The following AHNAK variants were observed in gnomAD, a reference collection of about 807,000 sequenced individuals.
The protein encoded by AHNAK is AHNAK nucleoprotein, also known as neuroblast differentiation-associated protein AHNAK.
A neutral mutation model predicts 37.8 loss-of-function variants in AHNAK; 23 were observed. The observed-to-expected ratio is 0.61, with a 90% CI of 0.44 to 0.86. AHNAK has a LOEUF of 0.86. Ranked by LOEUF, AHNAK falls within the 40% of genes least tolerant of loss-of-function variation. The pLI is 0.00. For missense variants in AHNAK, 7,411 were observed against 7,319.4 expected, an observed-to-expected ratio of 1.01 and a Z score of -0.46; for synonymous variants, 2,481 against 2,636.3, an observed-to-expected ratio of 0.94 and a Z score of 1.80.
In AHNAK at chr11:62,534,015, C is replaced by G; in HGVS notation, c.402G>C (p.Lys134Asn). Reference sequence around the variant, plus strand: ...GGTCTCCTTCCACTCCATCTTCCGACTTCAGCCGTGGCTTGATCTTCGTGG... The same window carrying G: ...GGTCTCCTTCCACTCCATCTTCCGAGTTCAGCCGTGGCTTGATCTTCGTGG... ...IYTTKIKPRL[K>N]SEDGVEGDLG... Residue 134 changes from lysine (K) to asparagine (N), a missense_variant, in exon 5 of 5, where the codon AAG becomes AAC. Transcript: ENST00000378024. The G allele has an allele frequency of 6.3e-7, 1 of 1,588,390 alleles. No homozygotes were observed. The highest frequency in any genetic ancestry group is 8.6e-7 in the Non-Finnish European group (1 of 1,165,694).
At chr11:62,470,013 C>T (rs1565204880) in intron 5 of AHNAK, among the ~76,000 whole-genome samples, 2 of 152,282 alleles carry the variant, frequency 1.3e-5, no homozygotes, top group African/African-American at 2.4e-5. Flanking sequence ...GCTATCAAAA[C>T]CACAAAAGTT....
rs1044381193 is a variant in AHNAK, at chr11:62,517,601, G to A, written c.16816C>T (p.Leu5606Phe). 3 of 1,614,040 alleles carry A rather than the reference G, an allele frequency of 1.9e-6. No homozygotes were observed. Among genetic ancestry groups the A allele is most frequent in the Non-Finnish European group, 2.5e-6 (3 of 1,180,048 alleles). The change falls in exon 5 of 5, where the codon CTC becomes TTC. Residue 5606 changes from leucine (L) to phenylalanine (F), a missense_variant. Leu to Phe is a conservative substitution (Grantham distance 22). Transcript: ENST00000378024. ...GCAAACTTAGATGTGTCCAAGTTGA[G>A]AGCAGAGGAGACTTGGGGTCCCTTC... ...EWKGPQVSSALNLDTSKFAGG... is the reference protein window; with the variant it reads ...EWKGPQVSSAFNLDTSKFAGG...
chr11:62,455,797 G>A (rs934925469), intron 5 of AHNAK, among the ~76,000 whole-genome samples: 2 of 151,894 alleles, frequency 1.3e-5, no homozygotes, highest in Admixed American at 6.6e-5. Context: ...CCTGGGAGGC[G>A]GAGGTTGCAG....
intron 5 of AHNAK, among the ~76,000 whole-genome samples, chr11:62,482,093 A>G (rs981766111): frequency 6.6e-6 from 1 of 151,982 alleles, no homozygotes; most frequent in African/African-American, 2.4e-5. Context: ...CCCAGCTCAT[A>G]TCTCTCTTCC....
chr11:62,434,049 T>G (rs1406095551), intron 5 of AHNAK, among the ~76,000 whole-genome samples: 1 of 152,108 alleles, frequency 6.6e-6, no homozygotes, highest in Admixed American at 6.6e-5. Context: ...AGGGATAGAT[T>G]TGGAAAGGAT....
In AHNAK at chr11:62,519,926, T is replaced by G; in HGVS notation, c.14491A>C (p.Lys4831Gln). Reference sequence around the variant, plus strand: ...ATCTTGAACTTGGGGCCCTTCAGTTTTGCGTCTGGACCTTCGATATTCACA... The same window carrying G: ...ATCTTGAACTTGGGGCCCTTCAGTTGTGCGTCTGGACCTTCGATATTCACA... Reference protein sequence around the residue: ...PDVNIEGPDAKLKGPKFKMPE... With the variant: ...PDVNIEGPDAQLKGPKFKMPE... Residue 4831 changes from lysine (K) to glutamine (Q), a missense_variant, in exon 5 of 5, where the codon AAA becomes CAA. Coordinates refer to ENST00000378024, the MANE Select transcript of AHNAK (RefSeq NM_001620.3). The G allele has an allele frequency of 6.2e-7, 1 of 1,613,818 alleles. No individual in the cohort carries two copies. The highest frequency in any genetic ancestry group is 1.1e-5 in the South Asian group (1 of 91,050).
At chr11:62,450,052 C>T (rs1361577819) in intron 5 of AHNAK, among the ~76,000 whole-genome samples, 1 of 152,126 alleles carries the variant, frequency 6.6e-6, no homozygotes, top group Non-Finnish European at 1.5e-5. Flanking sequence ...CAAGACCAGC[C>T]TGGGCAGCAT....
At chr11:62,449,083 A>G (rs1938479186) in intron 5 of AHNAK, among the ~76,000 whole-genome samples, 1 of 151,964 alleles carries the variant, frequency 6.6e-6, no homozygotes, top group African/African-American at 2.4e-5. Context: ...TAATAATAAT[A>G]ATAATAAAGT....
intron 5 of AHNAK, among the ~76,000 whole-genome samples, chr11:62,475,745 CA>C (rs1939131238): frequency 6.6e-6 from 1 of 151,344 alleles, no homozygotes; most frequent in Non-Finnish European, 1.5e-5. Flanking sequence ...GCTGGGATTA[CA>C]GGCGCCCGCC....
intron 1 of AHNAK, among the ~76,000 whole-genome samples, chr11:62,542,790 A>G (rs1460831941): frequency 6.6e-6 from 1 of 152,180 alleles, no homozygotes; most frequent in African/African-American, 2.4e-5. Flanking sequence ...CACTGGGATT[A>G]AGACACCAAC....
At chr11:62,444,881 G>A (rs1340527774) in intron 5 of AHNAK, among the ~76,000 whole-genome samples, 7 of 151,954 alleles carry the variant, frequency 4.6e-5, no homozygotes, top group Admixed American at 4.6e-4. Context: ...ATGATGAAGT[G>A]AAGTCCAGGC....
intron 5 of AHNAK, among the ~76,000 whole-genome samples, chr11:62,448,132 C>A (rs928865007): frequency 6.6e-6 from 1 of 152,022 alleles, no homozygotes; most frequent in East Asian, 1.9e-4. Flanking sequence ...AAAGACATGG[C>A]GTGTGGGGAC....
In AHNAK at chr11:62,528,531, A is replaced by T. The variant is rs778358359; in HGVS notation, c.5886T>A (p.Asp1962Glu). The change falls in exon 5 of 5, where the codon GAT (aspartate) becomes GAA (glutamate). Residue 1962 changes from aspartate to glutamate, a missense_variant. Physicochemically the swap from Asp to Glu is conservative, Grantham distance 45 (BLOSUM62 2). Coordinates refer to ENST00000378024, the MANE Select transcript of AHNAK (RefSeq NM_001620.3). ...TGPSVGVEVP[D>E]VELECPDAKL... ...TTGCATCAGGACACTCCAGCTCAAC[A>T]TCAGGCACCTCCACACCCACACTGG... The T allele has an allele frequency of 1.9e-6, 3 of 1,609,312 alleles. No homozygotes were observed. The highest frequency in any genetic ancestry group is 2.5e-6 in the Non-Finnish European group (3 of 1,179,278).
intron 4 of AHNAK, among the ~76,000 whole-genome samples, chr11:62,495,378 C>T (rs1380814367): frequency 6.6e-6 from 1 of 152,120 alleles, no homozygotes; most frequent in Non-Finnish European, 1.5e-5. Flanking sequence ...TTCACCTAAA[C>T]ATGTAGATTA....
rs753138446 is a variant in AHNAK, at chr11:62,531,201, A to G, written c.3216T>C (p.Val1072=). Residue 1072 remains valine (V), a synonymous_variant, in exon 5 of 5, where the codon GTT becomes GTC. Coordinates refer to ENST00000378024, the MANE Select transcript of AHNAK (RefSeq NM_001620.3). ...TTTTGGGTCCTTTAAGATCCAGGTC[A>G]ACATCTGGCAAAGACATCTTAGGAG... ...FRAPKMSLPD[V]DLDLKGPKMK... 1 of 1,613,812 alleles carries G rather than the reference A, an allele frequency of 6.2e-7. No individual in the cohort carries two copies. The highest frequency in any genetic ancestry group is 2.2e-5 in the East Asian group (1 of 44,832).
At position 62,518,133 on chromosome 11, in the gene AHNAK, C is replaced by G; in HGVS notation, c.16284G>C (p.Gln5428His). Residue 5428 changes from glutamine (Q) to histidine (H), a missense_variant, in exon 5 of 5, where the codon CAG becomes CAC. Physicochemically the swap from Gln to His is conservative, Grantham distance 24 (BLOSUM62 0). Coordinates refer to ENST00000378024, the MANE Select transcript of AHNAK (RefSeq NM_001620.3). ...CTGGCCCCTTCAGTTCGCCAGAAAC[C>G]TGTGGCCCCTTGGCATTGACGTGCA... ...SDLHVNAKGP[Q>H]VSGELKGPGV... 1 of 1,614,222 alleles carries G rather than the reference C, an allele frequency of 6.2e-7. No individual in the cohort carries two copies. Among genetic ancestry groups the G allele is most frequent in the Non-Finnish European group, 8.5e-7 (1 of 1,180,038 alleles).
intron 5 of AHNAK, among the ~76,000 whole-genome samples, chr11:62,484,811 C>T (rs1939355892): frequency 6.6e-6 from 1 of 152,142 alleles, no homozygotes; most frequent in African/African-American, 2.4e-5. Context: ...GTTTTTGAGA[C>T]AGAGTTTCGC....
intron 5 of AHNAK, among the ~76,000 whole-genome samples, chr11:62,479,171 T>TC (rs1282632823): frequency 9.6e-5 from 14 of 145,904 alleles, no homozygotes; most frequent in African/African-American, 3.5e-4. Flanking sequence ...TTTTTTCTTT[T>TC]TTTTTTTTTT....
At chr11:62,470,079 C>T (rs937786301) in intron 5 of AHNAK, among the ~76,000 whole-genome samples, 4 of 152,042 alleles carry the variant, frequency 2.6e-5, no homozygotes, top group South Asian at 4.1e-4. Context: ...CCAAGGTGGG[C>T]GGATCACAAA....
Sources: allele counts gnomAD v4.1 joint callset (sites outside exome capture counted in the v4.1 genomes callset), GRCh38; gene constraint gnomAD v4.1.1; transcripts MANE v1.5; gene names NCBI Gene and HGNC (gene_info 2026-07-23, HGNC 2026-07-21).